TMLHE: variants seen among roughly 807,000 people sequenced by gnomAD.
The protein encoded by TMLHE is trimethyllysine hydroxylase, epsilon.
Under a neutral mutation model 25.7 loss-of-function variants are expected in TMLHE, and 18 were observed. That is an observed-to-expected ratio of 0.70 (90% confidence interval 0.48 to 1.04). The LOEUF is 1.04. TMLHE is among the 50% of genes least tolerant of loss of function. The probability of loss-of-function intolerance (pLI) is 0.00; values close to 1 mark genes in which losing one functional copy is unlikely to be tolerated. For missense variants in TMLHE, 236 were observed against 259.0 expected (o/e 0.91, Z 0.61); for synonymous variants, 105 against 97.0 (o/e 1.08, Z -0.49).
chrX:155,557,783 A>T (rs782191648), intron 1 of TMLHE, among the ~76,000 whole-genome samples: 1 of 111,435 alleles, frequency 9.0e-6, no homozygotes, highest in Non-Finnish European at 1.9e-5. Flanking sequence ...TGCGTAACTC[A>T]AAAATCAGTG....
At chrX:155,547,648 T>G (rs1450582054) in intron 1 of TMLHE, among the ~76,000 whole-genome samples, 1 of 109,643 alleles carries the variant, frequency 9.1e-6, no homozygotes, top group Non-Finnish European at 1.9e-5. Flanking sequence ...GTGGTGGAGC[T>G]CCACATGACT....
intron 1 of TMLHE, among the ~76,000 whole-genome samples, chrX:155,588,676 T>C (rs1467413300): frequency 9.0e-6 from 1 of 110,928 alleles, no homozygotes; most frequent in African/African-American, 3.3e-5. Context: ...ACAAAGGATA[T>C]GAATAGACAT....
At chrX:155,606,896 A>G (rs1557347885) in intron 1 of TMLHE, among the ~76,000 whole-genome samples, 1 of 110,976 alleles carries the variant, frequency 9.0e-6, no homozygotes, top group African/African-American at 3.3e-5. Context: ...CTGGAGACAT[A>G]TAACCTCCTA....
chrX:155,589,903 A>G (rs1339050865), intron 1 of TMLHE, among the ~76,000 whole-genome samples: 1 of 112,085 alleles, frequency 8.9e-6, no homozygotes, highest in Non-Finnish European at 1.9e-5. Context: ...CCCCAAAAAT[A>G]TGTAAAATAT....
intron 4 of TMLHE, 136 bp downstream of exon 4, chrX:155,513,850 T>G: frequency 2.0e-5 from 12 of 596,454 alleles, no homozygotes; most frequent in Non-Finnish European, 2.6e-5. Flanking sequence ...GTACTGCAAG[T>G]GAGAGTCCCT....
At position 155,572,189 on chromosome X, in the gene TMLHE, T is replaced by C. The variant is rs1227097745; in HGVS notation, c.-1-26912A>G. On this transcript the variant is annotated intron_variant, in intron 1 of 7. Transcript: ENST00000334398. ...AATCACAAGCATTCTTATACACCAA[T>C]AACAGACAAACTGAGAGCCAAATCA... 3.6e-5 allele frequency among the ~76,000 whole-genome samples: 2 copies of C among 56,132 alleles called. 1 individual carries two copies. Among genetic ancestry groups the C allele is most frequent in the Non-Finnish European group, 9.2e-5 (2 of 21,845 alleles). The allele number at this position is 56,132 out of a possible 115,157, so 48.7% of individuals were successfully genotyped here.
At position 155,524,590 on chromosome X, in the gene TMLHE, C is replaced by T. The variant is rs2067208008; in HGVS notation, c.224G>A (p.Trp75Ter). The change falls in exon 3 of 8, where the codon TGG (tryptophan) becomes TAG (stop). Residue 75 changes from tryptophan to a stop codon, truncating the protein, a stop_gained. Transcript: ENST00000334398. LOFTEE classifies it high-confidence loss of function. The stretch of plus-strand genomic sequence containing the variant: ...TGCTGAGCGGCAGTGGTCTCGAAGC[C>T]AGACGTAATCAAAGCGCATCACGGT... ...ANTVMRFDYVWLRDHCRSASC... is the reference protein window; with the variant it reads ...ANTVMRFDYV 1.7e-6 allele frequency: 2 copies of T among 1,202,343 alleles called. No homozygotes were observed. The highest frequency in any genetic ancestry group is 3.7e-5 in the South Asian group (2 of 54,551).
At chrX:155,529,280 G>C (rs1170209724) in intron 2 of TMLHE, among the ~76,000 whole-genome samples, 11 of 111,737 alleles carry the variant, frequency 9.8e-5, no homozygotes, top group African/African-American at 3.6e-4. Context: ...ACAGAGAGGA[G>C]CTTGGCAAAT....
chrX:155,552,618 A>AGGTACTACCTGGT (rs2067422434), intron 1 of TMLHE, among the ~76,000 whole-genome samples: 1 of 109,504 alleles, frequency 9.1e-6, no homozygotes, highest in African/African-American at 3.4e-5. Flanking sequence ...TTGTTTCTTT[A>AGGTACTACCTGGT]TCCATATTTC....
intron 1 of TMLHE, among the ~76,000 whole-genome samples, chrX:155,599,048 A>G (rs782088584): frequency 1.8e-5 from 2 of 111,408 alleles, no homozygotes; most frequent in African/African-American, 6.5e-5. Context: ...TCTTCACATA[A>G]GAATACAGTA....
At chrX:155,575,136 T>C (rs1190819165) in intron 1 of TMLHE, among the ~76,000 whole-genome samples, 3 of 112,043 alleles carry the variant, frequency 2.7e-5, no homozygotes, top group African/African-American at 9.7e-5. Context: ...GGGAAAGATA[T>C]GTTCCAGACC....
chrX:155,511,440 T>A (rs1268869152), intron 5 of TMLHE, among the ~76,000 whole-genome samples: 2 of 104,749 alleles, frequency 1.9e-5, no homozygotes, highest in African/African-American at 6.8e-5. Flanking sequence ...TTTTTTTTTA[T>A]AAATTACCCA....
chrX:155,586,192 C>T (rs782070364), intron 1 of TMLHE, among the ~76,000 whole-genome samples: 37 of 104,885 alleles, frequency 3.5e-4, no homozygotes, highest in African/African-American at 1.2e-3. Context: ...TGCCATTGCA[C>T]TCCAGCCTGG....
chrX:155,584,445 A>G (rs1344997130), intron 1 of TMLHE, among the ~76,000 whole-genome samples: 1 of 111,526 alleles, frequency 9.0e-6, no homozygotes, highest in Non-Finnish European at 1.9e-5. Flanking sequence ...AATCCTATTT[A>G]ATGAAATAAT....
intron 1 of TMLHE, among the ~76,000 whole-genome samples, chrX:155,556,156 G>A (rs2067452969): frequency 1.1e-5 from 1 of 89,896 alleles, no homozygotes; most frequent in African/African-American, 3.8e-5. Flanking sequence ...GTCTCTAGAA[G>A]ATGAGAGTGA....
At chrX:155,515,496 G>A (rs1221927020) in intron 3 of TMLHE, among the ~76,000 whole-genome samples, 9 of 110,271 alleles carry the variant, frequency 8.2e-5, no homozygotes, top group Admixed American at 2.9e-4. Context: ...TTAAAAGTTC[G>A]TATCTTTGTA....
chrX:155,549,347 T>C (rs1288404115), intron 1 of TMLHE, among the ~76,000 whole-genome samples: 1 of 110,587 alleles, frequency 9.0e-6, no homozygotes, highest in Non-Finnish European at 1.9e-5. Context: ...GTTAGCCATG[T>C]TTTTGGATTT....
intron 1 of TMLHE, among the ~76,000 whole-genome samples, chrX:155,583,232 T>G (rs926483781): frequency 9.9e-5 from 11 of 110,937 alleles, no homozygotes; most frequent in Non-Finnish European, 1.3e-4. Flanking sequence ...AATGATGAGT[T>G]AATGGGCGCA....
intron 4 of TMLHE, among the ~76,000 whole-genome samples, chrX:155,512,737 G>C (rs1557333904): frequency 9.0e-6 from 1 of 111,709 alleles, no homozygotes; most frequent in African/African-American, 3.3e-5. Context: ...AGACACAGAA[G>C]TGATTAATGT....
Sources: gnomAD v4.1 joint callset for allele counts (sites outside exome capture counted in the v4.1 genomes callset) on GRCh38, gnomAD v4.1.1 for gene constraint, MANE v1.5 for transcripts, NCBI Gene and HGNC (gene_info 2026-07-23, HGNC 2026-07-21) for gene names.